The following LRRTM4 variants were observed in gnomAD, a reference collection of about 807,000 sequenced individuals.
The protein encoded by LRRTM4 is leucine rich repeat transmembrane neuronal 4, also known as leucine-rich repeat transmembrane neuronal protein 4.
A neutral mutation model predicts 47.6 loss-of-function variants in LRRTM4; 25 were observed. That is an observed-to-expected ratio of 0.53 (90% CI 0.38 to 0.73). LRRTM4 has a LOEUF of 0.73. Among genes scored for constraint, LRRTM4 ranks in the 30% least tolerant of loss-of-function variants. The pLI, the probability that LRRTM4 is intolerant of heterozygous loss-of-function variation, is 0.00. For missense variants in LRRTM4, 638 were observed against 713.4 expected (o/e 0.89, Z 1.20); for synonymous variants, 311 against 269.5 (o/e 1.15, Z -1.51).
At chr2:77,484,116 T>A (rs1677821638) in intron 3 of LRRTM4, among the ~76,000 whole-genome samples, 1 of 152,158 alleles carries the variant, frequency 6.6e-6, no homozygotes, top group Non-Finnish European at 1.5e-5. Flanking sequence ...AACTAAAGGG[T>A]GTCTAGACAC....
At chr2:77,305,021 C>T (rs1263420427) in intron 3 of LRRTM4, among the ~76,000 whole-genome samples, 2 of 151,936 alleles carry the variant, frequency 1.3e-5, no homozygotes, top group African/African-American at 4.8e-5. Context: ...ATTAATTCAT[C>T]ATAGAAGATC....
chr2:76,749,959 C>T (rs184524845), intron 3 of LRRTM4, among the ~76,000 whole-genome samples: 1 of 152,296 alleles, frequency 6.6e-6, no homozygotes, highest in East Asian at 1.9e-4. Context: ...TGACTCTCAG[C>T]TCTAAGTTCC....
At chr2:77,308,072 A>AACATATATATATCTATACATAT (rs1677341198) in intron 3 of LRRTM4, among the ~76,000 whole-genome samples, 1 of 142,338 alleles carries the variant, frequency 7.0e-6, no homozygotes, top group African/African-American at 2.6e-5. Context: ...ATATCTATAT[A>AACATATATATATCTATACATAT]ACATATATAG....
chr2:76,753,655 T>C (rs1446248642), intron 3 of LRRTM4, among the ~76,000 whole-genome samples: 1 of 152,096 alleles, frequency 6.6e-6, no homozygotes, highest in South Asian at 2.1e-4. Context: ...TTTTTCAATG[T>C]TGGGAGGCAG....
chr2:77,477,443 A>C (rs937925908), intron 3 of LRRTM4, among the ~76,000 whole-genome samples: 1 of 152,180 alleles, frequency 6.6e-6, no homozygotes, highest in African/African-American at 2.4e-5. Context: ...ACACAAATAG[A>C]TAAATTATGT....
At chr2:77,058,314 G>T (rs1175934188) in intron 3 of LRRTM4, among the ~76,000 whole-genome samples, 1 of 152,126 alleles carries the variant, frequency 6.6e-6, no homozygotes, top group Non-Finnish European at 1.5e-5. Context: ...ACCAGAACCA[G>T]CCTGAGGTCA....
chr2:76,959,326 T>C (rs754519031), intron 3 of LRRTM4, among the ~76,000 whole-genome samples: 5 of 151,440 alleles, frequency 3.3e-5, no homozygotes, highest in African/African-American at 4.8e-5. Flanking sequence ...ATGCCCTTCC[T>C]AGAAAATGAC....
chr2:76,781,241 C>G (rs1020710488), intron 3 of LRRTM4, among the ~76,000 whole-genome samples: 4 of 152,244 alleles, frequency 2.6e-5, no homozygotes, highest in African/African-American at 9.6e-5. Context: ...GTGGAGCCTA[C>G]AGAGGCAGGC....
chr2:77,121,977 T>C (rs1671532313), intron 3 of LRRTM4, among the ~76,000 whole-genome samples: 1 of 151,822 alleles, frequency 6.6e-6, no homozygotes, highest in African/African-American at 2.4e-5. Flanking sequence ...TTATTAGCAA[T>C]TACTTCCTAG....
intron 3 of LRRTM4, among the ~76,000 whole-genome samples, chr2:76,986,841 TGATTTTAC>T: frequency 1.3e-5 from 2 of 152,104 alleles, no homozygotes; most frequent in East Asian, 3.9e-4. Flanking sequence ...TTAGCTAATT[TGATTTTAC>T]TTTCTATTGT....
At chr2:77,010,093 G>T (rs1259145557) in intron 3 of LRRTM4, among the ~76,000 whole-genome samples, 1 of 151,876 alleles carries the variant, frequency 6.6e-6, no homozygotes, top group Non-Finnish European at 1.5e-5. Context: ...GTTAATTCAA[G>T]CTATTTAACA....
intron 3 of LRRTM4, among the ~76,000 whole-genome samples, chr2:77,143,164 C>A (rs776221831): frequency 5.9e-4 from 90 of 152,128 alleles, no homozygotes; most frequent in African/African-American, 8.0e-4. Context: ...CTATTCTTAT[C>A]TCCATTTTAC....
intron 3 of LRRTM4, among the ~76,000 whole-genome samples, chr2:76,985,575 C>T (rs1344284815): frequency 6.6e-6 from 1 of 151,914 alleles, no homozygotes; most frequent in Non-Finnish European, 1.5e-5. Flanking sequence ...AAGTTGCTAG[C>T]TGCTGAAAGG....
chr2:77,161,739 C>T (rs1297023262), intron 3 of LRRTM4, among the ~76,000 whole-genome samples: 1 of 152,022 alleles, frequency 6.6e-6, no homozygotes, highest in African/African-American at 2.4e-5. Context: ...TAGAGAGGGT[C>T]TGTAGGTAAA....
At chr2:77,373,157 A>G (rs1672714891) in intron 3 of LRRTM4, among the ~76,000 whole-genome samples, 1 of 149,238 alleles carries the variant, frequency 6.7e-6, no homozygotes, top group Admixed American at 6.7e-5. Flanking sequence ...AACAAAAACT[A>G]GGAAGATTTT....
At chr2:76,766,350 C>T (rs560110919) in intron 3 of LRRTM4, among the ~76,000 whole-genome samples, 27 of 152,246 alleles carry the variant, frequency 1.8e-4, no homozygotes, top group Non-Finnish European at 2.8e-4. Flanking sequence ...CTGGGGACCA[C>T]GGCATTAATA....
At chr2:76,887,606 A>G (rs961832215) in intron 3 of LRRTM4, among the ~76,000 whole-genome samples, 9 of 150,182 alleles carry the variant, frequency 6.0e-5, no homozygotes, top group Non-Finnish European at 1.3e-4. Context: ...ATATACACAC[A>G]TATATGATAT....
intron 3 of LRRTM4, among the ~76,000 whole-genome samples, chr2:76,896,669 G>C (rs934954523): frequency 1.3e-5 from 2 of 151,372 alleles, no homozygotes; most frequent in African/African-American, 4.9e-5. Context: ...TTTTCACTTA[G>C]TTAAAAAGTG....
chr2:76,994,635 A>G (rs560402078), intron 3 of LRRTM4, among the ~76,000 whole-genome samples: 21 of 152,112 alleles, frequency 1.4e-4, no homozygotes, highest in African/African-American at 2.4e-4. Flanking sequence ...TAGTCTAACT[A>G]TAAGAAATAT....
Sources: gnomAD v4.1 joint callset for allele counts (sites outside exome capture counted in the v4.1 genomes callset) on GRCh38, gnomAD v4.1.1 for gene constraint, MANE v1.5 for transcripts, NCBI Gene and HGNC (gene_info 2026-07-23, HGNC 2026-07-21) for gene names.